The following PTGER4 variants were observed in gnomAD, a reference collection of about 807,000 sequenced individuals.
The protein encoded by PTGER4 is prostaglandin E receptor 4.
PTGER4 carries 11 observed loss-of-function variants against 33.2 expected under a neutral mutation model. The observed-to-expected ratio is 0.33, with a 90% CI of 0.21 to 0.55. The LOEUF is 0.55. Ranked by LOEUF, PTGER4 falls within the 20% of genes least tolerant of loss-of-function variation. The probability of loss-of-function intolerance (pLI) is 0.92; values close to 1 mark genes in which losing one functional copy is unlikely to be tolerated. For missense variants in PTGER4, 481 were observed against 650.2 expected (o/e 0.74, Z 2.83); for synonymous variants, 275 against 281.5 (o/e 0.98, Z 0.23).
chr5:40,703,818 G>A, the PTGER4 span, among the ~76,000 whole-genome samples: 2,105 of 145,022 alleles, frequency 0.015, 56 homozygotes, highest in African/African-American at 0.05. Flanking sequence ...CAGGAGAATT[G>A]CTTGAACCCG....
At chr5:40,738,750 G>T in the PTGER4 span, among the ~76,000 whole-genome samples, 5 of 152,014 alleles carry the variant, frequency 3.3e-5, no homozygotes, top group African/African-American at 1.2e-4. Context: ...CTAGTAACTA[G>T]GTAATAGTAT....
the PTGER4 span, among the ~76,000 whole-genome samples, chr5:40,701,072 C>CGTCCAA: frequency 9.2e-5 from 14 of 152,116 alleles, no homozygotes; most frequent in African/African-American, 3.4e-4. Context: ...GAAACATCCA[C>CGTCCAA]GTGCAGAGAT....
chr5:40,745,819 C>T, the PTGER4 span, among the ~76,000 whole-genome samples: 10 of 151,892 alleles, frequency 6.6e-5, no homozygotes, highest in African/African-American at 1.9e-4. Flanking sequence ...ACCGCATCCT[C>T]GAACTCCTGG....
At chr5:40,727,760 G>T in the PTGER4 span, among the ~76,000 whole-genome samples, 2 of 151,934 alleles carry the variant, frequency 1.3e-5, no homozygotes, top group Non-Finnish European at 1.5e-5. Flanking sequence ...TTTAAATAAG[G>T]TTTACCAAAT....
rs1376896417 is a variant in PTGER4, at chr5:40,691,431, C to T, written c.868-348C>T. Among the ~76,000 whole-genome samples, 7 of 152,234 alleles carry T rather than the reference C, an allele frequency of 4.6e-5. No individual in the cohort carries two copies. Among genetic ancestry groups the T allele is most frequent in the Admixed American group, 2.6e-4 (4 of 15,290 alleles). ...TCTTGACCTAGTGATCCGCCTACCT[C>T]GGCCTACCAAAATGCTGGGATTACA... is the stretch of plus-strand genomic sequence containing the variant. On this transcript the variant is annotated intron_variant, in intron 2 of 2. Transcript: ENST00000302472. This position sits in a 1 kb window ranked among gnomAD's most constrained non-coding sequence, Gnocchi z 4.2.
chr5:40,744,781 G>C, the PTGER4 span, among the ~76,000 whole-genome samples: 2 of 151,934 alleles, frequency 1.3e-5, no homozygotes, highest in Non-Finnish European at 2.9e-5. Flanking sequence ...TCTTCACAGA[G>C]GACAATGCTT....
At chr5:40,742,409 A>T in the PTGER4 span, among the ~76,000 whole-genome samples, 1 of 152,226 alleles carries the variant, frequency 6.6e-6, no homozygotes, top group African/African-American at 2.4e-5. Flanking sequence ...AATTCATGTC[A>T]CCATCACAAC....
chr5:40,735,211 T>C, the PTGER4 span, among the ~76,000 whole-genome samples: 677 of 152,134 alleles, frequency 4.5e-3, 5 homozygotes, highest in African/African-American at 0.016. Context: ...ATCCACAGAG[T>C]TTTTATACAA....
the PTGER4 span, among the ~76,000 whole-genome samples, chr5:40,729,678 G>A: frequency 2.0e-5 from 3 of 152,044 alleles, no homozygotes; most frequent in Non-Finnish European, 2.9e-5. Context: ...GCTCAACAGT[G>A]ACTTTTTATT....
intron 2 of PTGER4, among the ~76,000 whole-genome samples, chr5:40,690,043 T>G (rs1741431052): frequency 6.6e-6 from 1 of 152,134 alleles, no homozygotes; most frequent in East Asian, 1.9e-4. Context: ...CATAATACTT[T>G]AAGAGTAAAT....
In PTGER4 at chr5:40,692,665, A is replaced by G; in HGVS notation, c.*287A>G. On this transcript the variant is annotated 3_prime_UTR_variant, in exon 3 of 3. Coordinates refer to ENST00000302472, the MANE Select transcript of PTGER4 (RefSeq NM_000958.3). ...TTTTTCTACTAGATAGGAGGATGGT[A>G]GAAGTTTGGCTGCTGTCATAACATC... The G allele has an allele frequency of 8.9e-7, 1 of 1,124,566 alleles. No individual in the cohort carries two copies. Among genetic ancestry groups the G allele is most frequent in the Non-Finnish European group, 1.1e-6 (1 of 917,264 alleles). The allele number at this position is 1,124,566 out of a possible 1,614,324, so 69.7% of individuals were successfully genotyped here.
chr5:40,698,121 C>CAAAAAA (rs1339691632), downstream of PTGER4, among the ~76,000 whole-genome samples: 2 of 30,486 alleles, frequency 6.6e-5, no homozygotes, highest in African/African-American at 1.9e-4. Flanking sequence ...AAAAAAAAAC[C>CAAAAAA]ATGAAAAATT....
chr5:40,697,858 C>T (rs190883241), downstream of PTGER4, among the ~76,000 whole-genome samples: 6 of 150,878 alleles, frequency 4.0e-5, no homozygotes, highest in African/African-American at 9.7e-5. Context: ...TCAGGTACAG[C>T]GGCTCACACC....
chr5:40,691,620 A>C lies in PTGER4; in HGVS notation c.868-159A>C, dbSNP rs1579650455. Among the ~76,000 whole-genome samples, 1 of 152,276 alleles carries C rather than the reference A, an allele frequency of 6.6e-6. No individual in the cohort carries two copies. The highest frequency in any genetic ancestry group is 3.4e-3 in the Middle Eastern group (1 of 294). The stretch of plus-strand genomic sequence containing the variant: ...CGTGAGCCACCGTGCCCAGCCCATG[A>C]CTGGTTTTTCTGAGGCTTATTATGT... On this transcript the variant is annotated intron_variant, in intron 2 of 2. Transcript: ENST00000302472. This position sits in a 1 kb window ranked among gnomAD's most constrained non-coding sequence, Gnocchi z 4.2.
chr5:40,738,268 C>G, the PTGER4 span, among the ~76,000 whole-genome samples: 1 of 151,642 alleles, frequency 6.6e-6, no homozygotes, highest in East Asian at 1.9e-4. Flanking sequence ...AAAAATTAGC[C>G]AGGCATAGAG....
the PTGER4 span, chr5:40,714,676 T>C: frequency 1.3e-5 from 2 of 152,278 alleles, no homozygotes; most frequent in African/African-American, 2.4e-5. Flanking sequence ...AATTTTCTGA[T>C]GATATAACTT....
At chr5:40,701,707 A>G in the PTGER4 span, among the ~76,000 whole-genome samples, 1 of 152,208 alleles carries the variant, frequency 6.6e-6, no homozygotes, top group Non-Finnish European at 1.5e-5. Flanking sequence ...GCACAAGAAG[A>G]TCATCCCCAA....
downstream of PTGER4, among the ~76,000 whole-genome samples, chr5:40,694,453 AAAC>A (rs1217899577): frequency 2.0e-5 from 3 of 152,238 alleles, no homozygotes; most frequent in African/African-American, 7.2e-5. Context: ...TGGGTGGCTT[AAAC>A]AACAGACATT....
At chr5:40,727,932 T>A in the PTGER4 span, among the ~76,000 whole-genome samples, 2 of 152,184 alleles carry the variant, frequency 1.3e-5, no homozygotes, top group Non-Finnish European at 2.9e-5. Context: ...TTGCTAATTG[T>A]TTTTTGTATA....
Sources: allele counts gnomAD v4.1 joint callset (sites outside exome capture counted in the v4.1 genomes callset), GRCh38; gene constraint gnomAD v4.1.1; non-coding constraint Gnocchi (gnomAD v3.1); transcripts MANE v1.5; gene names NCBI Gene and HGNC (gene_info 2026-07-23, HGNC 2026-07-21).